Variants in CTNNA2 observed in about 807,000 individuals in gnomAD.
CTNNA2 encodes catenin alpha 2.
CTNNA2 carries 42 observed loss-of-function variants against 101.0 expected under a neutral mutation model. That is an observed-to-expected ratio of 0.42 (90% CI 0.32 to 0.54). The LOEUF is 0.54. CTNNA2 is among the 20% of genes least tolerant of loss of function. The pLI is 0.14. For missense variants in CTNNA2, 871 were observed against 1,223.1 expected, an observed-to-expected ratio of 0.71 and a Z score of 4.29; for synonymous variants, 450 against 456.4, an observed-to-expected ratio of 0.99 and a Z score of 0.18.
In CTNNA2 at chr2:80,226,704, G is replaced by A. The variant is rs188447977; in HGVS notation, c.1057-166507G>A. 1.2e-3 allele frequency among the ~76,000 whole-genome samples: 187 copies of A among 152,282 alleles called. 3 individuals carry two copies. The highest frequency in any genetic ancestry group is 3.4e-3 in the Middle Eastern group (1 of 294). On this transcript the variant is annotated intron_variant, in intron 7 of 18. Coordinates refer to ENST00000402739, the MANE Select transcript of CTNNA2 (RefSeq NM_001282597.3). The stretch of plus-strand genomic sequence containing the variant: ...CTTTTCGTACAGGAAGGACCTGATG[G>A]AGGTCCTGAGTGACAAATTCCCCAA...
In CTNNA2 at chr2:80,380,889, G is replaced by A. The variant is rs546185545; in HGVS notation, c.1057-12322G>A. ...AATTAACACAGCAGATGGTGTTTAT[G>A]GGAGCCACAGAGTGAGGAATATTTG... On this transcript the variant is annotated intron_variant, in intron 7 of 18. Coordinates refer to ENST00000402739, the MANE Select transcript of CTNNA2 (RefSeq NM_001282597.3). Among the ~76,000 whole-genome samples the A allele has an allele frequency of 1.7e-4, 26 of 152,250 alleles. No homozygotes were observed. The South Asian group carries it at 5.0e-3, about 29-fold the overall frequency.
chr2:80,165,838 C>A (rs115359723), intron 7 of CTNNA2, among the ~76,000 whole-genome samples: 1,689 of 152,270 alleles, frequency 0.011, 35 homozygotes, highest in African/African-American at 0.037. Flanking sequence ...TCTACTTGGG[C>A]TTCTCTGATA....
At chr2:79,239,410 A>T (rs1674595241) in intron 2 of CTNNA2, among the ~76,000 whole-genome samples, 1 of 152,172 alleles carries the variant, frequency 6.6e-6, no homozygotes, top group African/African-American at 2.4e-5. Context: ...CTGGCTAGCC[A>T]TGTGCATAAA....
At chr2:79,301,491 G>A (rs1298444695) in intron 2 of CTNNA2, among the ~76,000 whole-genome samples, 1 of 152,202 alleles carries the variant, frequency 6.6e-6, no homozygotes, top group Non-Finnish European at 1.5e-5. Flanking sequence ...GTCTTAGGCA[G>A]AAGGAACCTG....
At chr2:79,922,826 G>A (rs576964708) in intron 7 of CTNNA2, among the ~76,000 whole-genome samples, 5 of 151,944 alleles carry the variant, frequency 3.3e-5, no homozygotes, top group South Asian at 2.1e-4. Flanking sequence ...TGGAACTCAG[G>A]TCTTCTCGTC....
intron 4 of CTNNA2, among the ~76,000 whole-genome samples, chr2:79,424,514 A>G (rs949654899): frequency 6.6e-6 from 1 of 152,142 alleles, no homozygotes; most frequent in Non-Finnish European, 1.5e-5. Context: ...TTAGTGGTTA[A>G]TAAACAATAA....
At chr2:80,198,232 G>A (rs1245825995) in intron 7 of CTNNA2, among the ~76,000 whole-genome samples, 6 of 152,174 alleles carry the variant, frequency 3.9e-5, no homozygotes, top group African/African-American at 1.4e-4. Context: ...GGACGCCTCA[G>A]GAAGTGAGCT....
chr2:79,735,510 A>G (rs956064475), intron 2 of CTNNA2, among the ~76,000 whole-genome samples: 4 of 152,218 alleles, frequency 2.6e-5, no homozygotes, highest in Admixed American at 6.5e-5. Flanking sequence ...CCATAAAAAT[A>G]TCTCACCCAA....
At chr2:79,645,277 G>A (rs537513517) in intron 1 of CTNNA2, among the ~76,000 whole-genome samples, 2 of 152,022 alleles carry the variant, frequency 1.3e-5, no homozygotes, top group Non-Finnish European at 2.9e-5. Context: ...GAGAGCAATC[G>A]CACCCAGCTG....
intron 18 of CTNNA2, among the ~76,000 whole-genome samples, chr2:80,642,535 G>T (rs11689549): frequency 6.6e-6 from 1 of 151,602 alleles, no homozygotes; most frequent in Non-Finnish European, 1.5e-5. Context: ...AAAAATGTAG[G>T]GATAGACTGG....
chr2:79,735,673 G>T (rs922186412), intron 2 of CTNNA2, among the ~76,000 whole-genome samples: 1 of 152,162 alleles, frequency 6.6e-6, no homozygotes, highest in Non-Finnish European at 1.5e-5. Flanking sequence ...AGTATAATAC[G>T]TTAATTATAG....
At chr2:80,345,829 C>T (rs1377294767) in intron 7 of CTNNA2, among the ~76,000 whole-genome samples, 1 of 151,938 alleles carries the variant, frequency 6.6e-6, no homozygotes, top group African/African-American at 2.4e-5. Context: ...TAAATTTTTC[C>T]AAGGATGTTT....
intron 1 of CTNNA2, among the ~76,000 whole-genome samples, chr2:79,645,302 T>C (rs1056987170): frequency 6.6e-6 from 1 of 152,172 alleles, no homozygotes; most frequent in Non-Finnish European, 1.5e-5. Context: ...TCAACTTTGA[T>C]GACCATGAGC....
intron 8 of CTNNA2, among the ~76,000 whole-genome samples, chr2:80,411,023 T>G (rs535528200): frequency 6.6e-6 from 1 of 152,340 alleles, no homozygotes; most frequent in African/African-American, 2.4e-5. Flanking sequence ...TGCCACCACC[T>G]GGCTTATGGA....
At chr2:79,653,544 G>A (rs1330727889) in intron 2 of CTNNA2, among the ~76,000 whole-genome samples, 1 of 152,146 alleles carries the variant, frequency 6.6e-6, no homozygotes, top group Non-Finnish European at 1.5e-5. Flanking sequence ...ACTTCAAAGA[G>A]CCCTCCTTTC....
At chr2:80,550,324 G>C (rs1001486582) in intron 11 of CTNNA2, among the ~76,000 whole-genome samples, 14 of 152,148 alleles carry the variant, frequency 9.2e-5, no homozygotes, top group Admixed American at 7.9e-4. Flanking sequence ...TGGTAGGGGG[G>C]GTTTCCTTGA....
chr2:80,402,219 G>GCTCAGAGCTTCCATGCC (rs1245092752), intron 8 of CTNNA2, among the ~76,000 whole-genome samples: 1 of 152,206 alleles, frequency 6.6e-6, no homozygotes, highest in Non-Finnish European at 1.5e-5. Context: ...GTGGGAAGGG[G>GCTCAGAGCTTCCATGCC]CTCAGAGCTT....
At chr2:79,947,766 G>A (rs142450976) in intron 7 of CTNNA2, among the ~76,000 whole-genome samples, 1 of 152,328 alleles carries the variant, frequency 6.6e-6, no homozygotes, top group East Asian at 1.9e-4. Flanking sequence ...TCAGCACCTA[G>A]AAGATGAGTG....
chr2:79,673,074 G>T (rs114881306), intron 2 of CTNNA2, among the ~76,000 whole-genome samples: 1 of 152,088 alleles, frequency 6.6e-6, no homozygotes, highest in African/African-American at 2.4e-5. Context: ...ATTTACCAAT[G>T]ACATTAAATA....
Sources: allele counts gnomAD v4.1 joint callset (sites outside exome capture counted in the v4.1 genomes callset), GRCh38; gene constraint gnomAD v4.1.1; transcripts MANE v1.5; gene names NCBI Gene and HGNC (gene_info 2026-07-23, HGNC 2026-07-21).